Variants in ANKS6 observed in about 807,000 individuals in gnomAD.
ANKS6 encodes ankyrin repeat and SAM domain-containing protein 6.
In ANKS6, 47 loss-of-function variants were observed where a neutral mutation model predicts 77.9. The ratio of observed to expected loss-of-function variants is 0.60; its 90% CI spans 0.48 to 0.77. ANKS6 has a LOEUF of 0.77. ANKS6 is among the 30% of genes least tolerant of loss of function. The pLI, the probability that ANKS6 is intolerant of heterozygous loss-of-function variation, is 0.00. For missense variants in ANKS6, 1,150 were observed against 1,159.1 expected, an observed-to-expected ratio of 0.99 and a Z score of 0.11; for synonymous variants, 488 against 501.7, an observed-to-expected ratio of 0.97 and a Z score of 0.37.
chr9:98,732,749 C>T lies in ANKS6; in HGVS notation c.*3770G>A, dbSNP rs555022174. ...ACTGGGACTCAAAGGGAAGAAGAAA[C>T]GTGCTCAACATCACGCAGCACTAGG... On this transcript the variant is annotated 3_prime_UTR_variant, in exon 15 of 15. Coordinates refer to ENST00000353234, the MANE Select transcript of ANKS6 (RefSeq NM_173551.5). 3.5e-5 allele frequency: 50 copies of T among 1,426,544 alleles called. No homozygotes were observed. Among genetic ancestry groups the T allele is most frequent in the African/African-American group, 2.2e-4 (15 of 69,622 alleles). The allele number at this position is 1,426,544 out of a possible 1,614,324, so 88.4% of individuals were successfully genotyped here. A position where few individuals can be genotyped will look rare whatever the true frequency, so the allele number is the denominator to read the frequency against.
At position 98,734,526 on chromosome 9, in the gene ANKS6, G is replaced by C; in HGVS notation, c.*1993C>G. 6 of 985,428 alleles carry C rather than the reference G, an allele frequency of 6.1e-6. No homozygotes were observed. Among genetic ancestry groups the C allele is most frequent in the Non-Finnish European group, 7.2e-6 (6 of 829,928 alleles). The allele number at this position is 985,428 out of a possible 1,614,324, so 61.0% of individuals were successfully genotyped here. On this transcript the variant is annotated 3_prime_UTR_variant, in exon 15 of 15. Transcript: ENST00000353234. ...CTACTGTTAACCCCTGAAGCCATCAGTAAATTAAAACAAGAATCACAAGTG... is the reference window on the plus strand; with the variant it reads ...CTACTGTTAACCCCTGAAGCCATCACTAAATTAAAACAAGAATCACAAGTG...
intron 11 of ANKS6, among the ~76,000 whole-genome samples, chr9:98,766,971 C>CTACTG (rs1300798628): frequency 6.6e-6 from 1 of 152,130 alleles, no homozygotes; most frequent in East Asian, 1.9e-4. Context: ...TTATGCTGCA[C>CTACTG]TACTGGGGAG....
chr9:98,783,860 CA>C, intron 4 of ANKS6, 92 bp downstream of exon 4: 1 of 1,128,330 alleles, frequency 8.9e-7, no homozygotes, highest in Non-Finnish European at 1.2e-6. Flanking sequence ...TTGTATGCAG[CA>C]TCTCAGGACC....
chr9:98,745,952 G>A (rs1671178300), intron 13 of ANKS6: 3 of 424,842 alleles, frequency 7.1e-6, no homozygotes, highest in Non-Finnish European at 1.3e-5. Flanking sequence ...ATAGTCATCT[G>A]GGTGGCTAGA....
rs1422469000 is a variant in ANKS6 at position 98,777,591 on chromosome 9, T to C, written c.1568-137A>G. On this transcript the variant is annotated intron_variant, in intron 7 of 14. Coordinates refer to ENST00000353234, the MANE Select transcript of ANKS6 (RefSeq NM_173551.5). ...ATATTTAATAATAATTGGTATTCGA[T>C]ATTTTAATAGAAGGAAGGCATTTAA... 16 of 747,942 alleles carry C rather than the reference T, an allele frequency of 2.1e-5. No homozygotes were observed. The Admixed American group carries it at 4.0e-4, about 19-fold the overall frequency. 46.3% of individuals were successfully genotyped at this position (747,942 alleles called of 1,614,324 possible). A position where few individuals can be genotyped will look rare whatever the true frequency, so the allele number is the denominator to read the frequency against.
chr9:98,793,305 C>A (rs1835003419), intron 1 of ANKS6, among the ~76,000 whole-genome samples: 1 of 152,210 alleles, frequency 6.6e-6, no homozygotes, highest in Non-Finnish European at 1.5e-5. Flanking sequence ...TCTGGAGCCA[C>A]CTCCCTAGGT....
At chr9:98,759,405 A>G (rs1054304476) in intron 11 of ANKS6, among the ~76,000 whole-genome samples, 11 of 152,228 alleles carry the variant, frequency 7.2e-5, no homozygotes, top group African/African-American at 2.7e-4. Flanking sequence ...CCAGCTAAGT[A>G]TCCTCCAATT....
intron 11 of ANKS6, among the ~76,000 whole-genome samples, chr9:98,760,518 T>C (rs1223938646): frequency 6.6e-6 from 1 of 152,182 alleles, no homozygotes; most frequent in African/African-American, 2.4e-5. Context: ...TGACATCACT[T>C]TGGAGATTCT....
chr9:98,794,535 G>A (rs1835074480), intron 1 of ANKS6, among the ~76,000 whole-genome samples: 1 of 152,170 alleles, frequency 6.6e-6, no homozygotes, highest in Admixed American at 6.5e-5. Context: ...ACTCAACACA[G>A]GCAGAGATGC....
rs761981516 is a variant in ANKS6, at chr9:98,770,920, C to T, written c.1948G>A (p.Gly650Ser). The T allele has an allele frequency of 2.4e-5, 37 of 1,537,730 alleles. No homozygotes were observed. The Admixed American group carries it at 2.6e-4, about 11-fold the overall frequency. ...GSSGVGVSRHGGELLNRSGGS... is the reference protein window; with the variant it reads ...GSSGVGVSRHSGELLNRSGGS... Reference sequence around the variant, plus strand: ...CCTGAGCGGTTAAGCAGCTCCCCACCGTGCCGGCTCACACCTACCCCACTG... The same window carrying T: ...CCTGAGCGGTTAAGCAGCTCCCCACTGTGCCGGCTCACACCTACCCCACTG... The change falls in exon 10 of 15, where the codon GGT becomes AGT. Residue 650 changes from glycine (G) to serine (S), a missense_variant. Gly to Ser is a moderately conservative substitution (Grantham distance 56). Coordinates refer to ENST00000353234, the MANE Select transcript of ANKS6 (RefSeq NM_173551.5).
intron 11 of ANKS6, among the ~76,000 whole-genome samples, chr9:98,758,324 C>CTTTTTTTTTT (rs35699060): frequency 7.4e-6 from 1 of 134,866 alleles, no homozygotes; most frequent in Non-Finnish European, 1.6e-5. Flanking sequence ...CGCCATCTTT[C>CTTTTTTTTTT]TTTTTTTTTT....
rs2131914243 is a variant in ANKS6, at chr9:98,735,613, T to G, written c.*906A>C. The G allele has an allele frequency of 8.1e-7, 1 of 1,231,620 alleles. No homozygotes were observed. Among genetic ancestry groups the G allele is most frequent in the South Asian group, 4.1e-5 (1 of 24,272 alleles). 76.3% of individuals were successfully genotyped at this position (1,231,620 alleles called of 1,614,324 possible). A position where few individuals can be genotyped will look rare whatever the true frequency, so the allele number is the denominator to read the frequency against. ...TGACCCATTAGCCTTCTGCTTCCAC[T>G]TTCAGTGCAGAAAGCCCTGCAGTGA... On this transcript the variant is annotated 3_prime_UTR_variant, in exon 15 of 15. Transcript: ENST00000353234.
rs1831441623 is a variant in ANKS6, at chr9:98,735,363, A to C, written c.*1156T>G. On this transcript the variant is annotated 3_prime_UTR_variant, in exon 15 of 15. Coordinates refer to ENST00000353234, the MANE Select transcript of ANKS6 (RefSeq NM_173551.5). ...CACTTGGCACCTGGTAGCTAACATAAATGCAACAAGCACTGGCTGAATGAG... is the reference window on the plus strand; with the variant it reads ...CACTTGGCACCTGGTAGCTAACATACATGCAACAAGCACTGGCTGAATGAG... The C allele has an allele frequency of 9.4e-7, 1 of 1,065,706 alleles. No homozygotes were observed. 66.0% of individuals were successfully genotyped at this position (1,065,706 alleles called of 1,614,324 possible). A position where few individuals can be genotyped will look rare whatever the true frequency, so the allele number is the denominator to read the frequency against.
intron 3 of ANKS6, among the ~76,000 whole-genome samples, 197 bp downstream of exon 3, chr9:98,784,635 A>G (rs973803682): frequency 1.3e-5 from 2 of 152,170 alleles, no homozygotes; most frequent in African/African-American, 4.8e-5. Flanking sequence ...GTGGGGCTGG[A>G]GGCCGTCTGG....
chr9:98,796,013 T>C, intron 1 of ANKS6, 120 bp downstream of exon 1: 1 of 987,322 alleles, frequency 1.0e-6, no homozygotes, highest in Non-Finnish European at 1.3e-6. Context: ...AAGTTTACCA[T>C]TCCAACTCTA....
chr9:98,792,969 T>C (rs1329710211), intron 1 of ANKS6, among the ~76,000 whole-genome samples: 2 of 152,210 alleles, frequency 1.3e-5, no homozygotes, highest in African/African-American at 4.8e-5. Context: ...TGAGATAATG[T>C]TGTGGATGCT....
chr9:98,746,273 C>T lies in ANKS6; in HGVS notation c.2395-598G>A, dbSNP rs1832125358. On this transcript the variant is annotated intron_variant, in intron 13 of 14. Transcript: ENST00000353234. ...TGGACAGGAAATCAGGCCCTCTGCT[C>T]CACTGGCTCCTGTTCCTCTTCAGCA... Among the ~76,000 whole-genome samples the T allele has an allele frequency of 3.9e-5, 6 of 152,186 alleles. No homozygotes were observed. The South Asian group carries it at 1.2e-3, about 32-fold the overall frequency.
Position 98,796,303 on chromosome 9 carries a change from C to T in ANKS6, c.189G>A (p.Gly63=). ...CCACGGGCACCGGAGCCCCGACTGCCCCCGCCGCTGCGGCCCCGGGCCCGG... is the reference window on the plus strand; with the variant it reads ...CCACGGGCACCGGAGCCCCGACTGCTCCCGCCGCTGCGGCCCCGGGCCCGG... ...EVAGPGAAAA[G]AVGAPVPVDC... is the part of the protein sequence containing the mutation. The change falls in exon 1 of 15, where the codon GGG becomes GGA. Residue 63 remains glycine, a synonymous_variant. Coordinates refer to ENST00000353234, the MANE Select transcript of ANKS6 (RefSeq NM_173551.5). The T allele has an allele frequency of 7.9e-7, 1 of 1,262,360 alleles. No individual in the cohort carries two copies. The highest frequency in any genetic ancestry group is 1.5e-5 in the African/African-American group (1 of 64,632). The allele number at this position is 1,262,360 out of a possible 1,614,324, so 78.2% of individuals were successfully genotyped here. A position where few individuals can be genotyped will look rare whatever the true frequency, so the allele number is the denominator to read the frequency against.
At chr9:98,770,760 T>C in intron 10 of ANKS6, 136 bp downstream of exon 10, 1 of 953,608 alleles carries the variant, frequency 1.0e-6, no homozygotes. Flanking sequence ...GAAAAATCTC[T>C]TAGCCACATT....
Sources: allele counts gnomAD v4.1 joint callset (sites outside exome capture counted in the v4.1 genomes callset), GRCh38; gene constraint gnomAD v4.1.1; transcripts MANE v1.5; gene names NCBI Gene and HGNC (gene_info 2026-07-23, HGNC 2026-07-21).